LAMA3: variants seen among roughly 807,000 people sequenced by gnomAD.
LAMA3 encodes the protein laminin subunit alpha 3, also known as laminin subunit alpha-3.
LAMA3 carries 281 observed loss-of-function variants against 402.0 expected under a neutral mutation model. The observed-to-expected ratio is 0.70, with a 90% confidence interval of 0.63 to 0.77. The LOEUF (loss-of-function observed/expected upper bound fraction) is 0.77, where lower values mean the gene tolerates loss of function less well. Among genes scored for constraint, LAMA3 ranks in the 30% least tolerant of loss-of-function variants. LAMA3 has a pLI of 0.00. For synonymous variants in LAMA3, 1,431 were observed against 1,558.4 expected (o/e 0.92, Z 1.93); for missense variants, 3,840 against 4,215.5 (o/e 0.91, Z 2.47).
intron 8 of LAMA3, among the ~76,000 whole-genome samples, chr18:23,767,716 G>A (rs2062106058): frequency 1.3e-5 from 2 of 151,682 alleles, no homozygotes; most frequent in African/African-American, 2.4e-5. Flanking sequence ...TGGGACTACA[G>A]GTGTGTGCCA....
chr18:23,742,533 G>C (rs2143441215), intron 2 of LAMA3, among the ~76,000 whole-genome samples: 1 of 152,242 alleles, frequency 6.6e-6, no homozygotes, highest in South Asian at 2.1e-4. Context: ...AAATTTCTTA[G>C]ACATGAAAAT....
chr18:23,911,745 G>A (rs2081431450), intron 55 of LAMA3, among the ~76,000 whole-genome samples: 1 of 147,826 alleles, frequency 6.8e-6, no homozygotes, highest in Non-Finnish European at 1.5e-5. Context: ...CTTTAAAAGT[G>A]CATTTAAAAT....
At chr18:23,803,486 G>A (rs2062904034) in intron 12 of LAMA3, among the ~76,000 whole-genome samples, 1 of 152,196 alleles carries the variant, frequency 6.6e-6, no homozygotes, top group Non-Finnish European at 1.5e-5. Context: ...TACTTGGGAA[G>A]CATTCACCTA....
intron 19 of LAMA3, 118 bp downstream of exon 19, chr18:23,820,115 T>C (rs184046902): frequency 7.7e-5 from 80 of 1,043,326 alleles, no homozygotes; most frequent in Admixed American, 2.3e-4. Flanking sequence ...CGATTCTTTT[T>C]CTCTATATTA....
chr18:23,931,374 C>T, intron 65 of LAMA3, 173 bp downstream of exon 65: 1 of 643,396 alleles, frequency 1.6e-6, no homozygotes, highest in East Asian at 2.8e-5. Flanking sequence ...AAAAAATAAA[C>T]TGCCACACAT....
At chr18:23,779,449 T>C (rs1449529109) in intron 11 of LAMA3, among the ~76,000 whole-genome samples, 1 of 152,074 alleles carries the variant, frequency 6.6e-6, no homozygotes, top group Admixed American at 6.5e-5. Flanking sequence ...TGCTGAGGGA[T>C]TGCTAGACCG....
chr18:23,808,332 A>G (rs1016056895), intron 12 of LAMA3, among the ~76,000 whole-genome samples: 9 of 152,186 alleles, frequency 5.9e-5, no homozygotes, highest in Admixed American at 3.3e-4. Context: ...TGCTACATAA[A>G]TAGTTATATT....
At chr18:23,847,051 C>A (rs1025941602) in intron 31 of LAMA3, among the ~76,000 whole-genome samples, 1 of 152,196 alleles carries the variant, frequency 6.6e-6, no homozygotes, top group Non-Finnish European at 1.5e-5. Context: ...CATGCAGAGG[C>A]CAAGGAACAA....
At chr18:23,777,337 C>T (rs1038621067) in intron 10 of LAMA3, among the ~76,000 whole-genome samples, 1 of 152,002 alleles carries the variant, frequency 6.6e-6, no homozygotes, top group Admixed American at 6.5e-5. Flanking sequence ...ACGAAACATT[C>T]ATTTCTGTTC....
At position 23,946,219 on chromosome 18, in the gene LAMA3, G is replaced by A. The variant is rs2082707634; in HGVS notation, c.9286G>A (p.Gly3096Arg). The change falls in exon 70 of 75, where the codon GGA (glycine) becomes AGA (arginine). Residue 3096 changes from glycine (G) to arginine (R), a missense_variant. Gly to Arg is a moderately radical substitution (Grantham distance 125). Transcript: ENST00000313654. ...GAGGGCCCGGGAGGGAAGTTTGCCTGGAAACTCCACCATCAGCATCAGAGC... is the reference window on the plus strand; with the variant it reads ...GAGGGCCCGGGAGGGAAGTTTGCCTAGAAACTCCACCATCAGCATCAGAGC... ...GLRAREGSLPGNSTISIRAPV... is the reference protein window; with the variant it reads ...GLRAREGSLPRNSTISIRAPV... 6.2e-7 allele frequency: 1 copy of A among 1,613,912 alleles called. No homozygotes were observed. Among genetic ancestry groups the A allele is most frequent in the African/African-American group, 1.3e-5 (1 of 74,850 alleles).
chr18:23,773,310 A>G (rs1204158253), intron 8 of LAMA3, among the ~76,000 whole-genome samples, 187 bp from the exon 9 acceptor site: 4 of 152,274 alleles, frequency 2.6e-5, no homozygotes, highest in African/African-American at 7.2e-5. Context: ...TTCCAGAGCC[A>G]AGATTAAGCC....
Position 23,775,792 on chromosome 18 carries a change from C to T in LAMA3, c.1274C>T (p.Pro425Leu). The T allele has an allele frequency of 1.9e-6, 3 of 1,613,970 alleles. No individual in the cohort carries two copies. The highest frequency in any genetic ancestry group is 2.5e-6 in the Non-Finnish European group (3 of 1,179,856). ...VPVDAPDGCI[P>L]CSCDPEHADG... Reference sequence around the variant, plus strand: ...CTTTGAAAACTGGGATTTCTCTTAGCCTGCAGCTGTGACCCTGAGCATGCG... The same window carrying T: ...CTTTGAAAACTGGGATTTCTCTTAGTCTGCAGCTGTGACCCTGAGCATGCG... The change falls in exon 10 of 75, where the codon CCC (proline) becomes CTC (leucine). Residue 425 changes from proline (P) to leucine (L), a missense_variant and splice_region_variant. Physicochemically the swap from Pro to Leu is moderately conservative, Grantham distance 98. This residue lies in a region of LAMA3 where 2,109 missense variants were observed against 2,376.0 expected (regional missense o/e 0.89). Transcript: ENST00000313654.
At chr18:23,752,609 G>A (rs1218535235) in intron 5 of LAMA3, among the ~76,000 whole-genome samples, 2 of 152,084 alleles carry the variant, frequency 1.3e-5, no homozygotes. Context: ...CTTTTACAGT[G>A]GCCAGCAGGA....
chr18:23,877,947 T>TA (rs1227109964), intron 39 of LAMA3, among the ~76,000 whole-genome samples: 3 of 151,744 alleles, frequency 2.0e-5, no homozygotes, highest in Non-Finnish European at 4.4e-5. Flanking sequence ...CTGTCTCTAC[T>TA]AAAAAAATAC....
intron 9 of LAMA3, among the ~76,000 whole-genome samples, chr18:23,775,521 G>A (rs1363608093): frequency 6.9e-6 from 1 of 144,358 alleles, no homozygotes; most frequent in African/African-American, 2.6e-5. Flanking sequence ...CTTTGCCTCT[G>A]ACTCAGTGAG....
chr18:23,930,400 A>C (rs980379003), intron 64 of LAMA3, among the ~76,000 whole-genome samples: 11 of 152,216 alleles, frequency 7.2e-5, no homozygotes, highest in African/African-American at 2.4e-4. Context: ...TGTAAAATTT[A>C]TTTAGCAATG....
In LAMA3 at chr18:23,725,046, T is replaced by C. The variant is rs971914448; in HGVS notation, c.447+10974T>C. 3.9e-5 allele frequency among the ~76,000 whole-genome samples: 6 copies of C among 152,206 alleles called. No individual in the cohort carries two copies. In the East Asian group the frequency reaches 1.2e-3, roughly 29 times the overall value. On this transcript the variant is annotated intron_variant, in intron 2 of 74. Coordinates refer to ENST00000313654, the MANE Select transcript of LAMA3 (RefSeq NM_198129.4). ...CACTTTTTACTCCCATCGCATTTCCTTACTTTAGGAAAAAACAAGAACCAA... is the reference window on the plus strand; with the variant it reads ...CACTTTTTACTCCCATCGCATTTCCCTACTTTAGGAAAAAACAAGAACCAA...
intron 56 of LAMA3, 117 bp downstream of exon 56, chr18:23,912,998 C>A: frequency 1.0e-6 from 1 of 977,562 alleles, no homozygotes. Flanking sequence ...AGAAATCCTA[C>A]TGAGACATCG....
intron 1 of LAMA3, among the ~76,000 whole-genome samples, chr18:23,709,671 C>T (rs986624832): frequency 8.5e-5 from 13 of 152,072 alleles, no homozygotes; most frequent in African/African-American, 3.1e-4. Flanking sequence ...GTGGCCTGTC[C>T]CAGTGATACT....
Sources: gnomAD v4.1 joint callset for allele counts (sites outside exome capture counted in the v4.1 genomes callset) on GRCh38, gnomAD v4.1.1 for gene constraint, gnomAD v4.1.1 regional missense constraint, MANE v1.5 for transcripts, NCBI Gene and HGNC (gene_info 2026-07-23, HGNC 2026-07-21) for gene names.